HCRTR2: variants seen among roughly 807,000 people sequenced by gnomAD.
The protein encoded by HCRTR2 is hypocretin receptor 2.
In HCRTR2, 22 loss-of-function variants were observed where a neutral mutation model predicts 49.0. That is an observed-to-expected ratio of 0.45 (90% CI 0.32 to 0.64). HCRTR2 has a LOEUF of 0.64. Among genes scored for constraint, HCRTR2 ranks in the 30% least tolerant of loss-of-function variants. The pLI, the probability that HCRTR2 is intolerant of heterozygous loss-of-function variation, is 0.04. For missense variants in HCRTR2, 491 were observed against 559.4 expected (o/e 0.88, Z 1.23); for synonymous variants, 236 against 205.3 (o/e 1.15, Z -1.28).
intron 1 of HCRTR2, among the ~76,000 whole-genome samples, chr6:55,191,774 A>AT (rs572538880): frequency 0.22 from 32,808 of 151,204 alleles, 3,695 homozygotes; most frequent in Admixed American, 0.29. Flanking sequence ...TTAGAAATGC[A>AT]TTTTTTTTTC....
chr6:55,181,209 T>C (rs988064364), intron 1 of HCRTR2, among the ~76,000 whole-genome samples: 1 of 152,138 alleles, frequency 6.6e-6, no homozygotes, highest in Non-Finnish European at 1.5e-5. Context: ...GAAATGACCT[T>C]TAGATACTGA....
chr6:55,238,611 AATTGAAAGATAGAAC>A (rs1179455043), intron 1 of HCRTR2, among the ~76,000 whole-genome samples: 2 of 152,146 alleles, frequency 1.3e-5, no homozygotes, highest in African/African-American at 4.8e-5. Flanking sequence ...CTTTGAGTTT[AATTGAAAGATAGAAC>A]ATCTATAAGA....
chr6:55,143,762 C>A (rs6901139), intron 1 of HCRTR2, among the ~76,000 whole-genome samples: 36,853 of 152,008 alleles, frequency 0.24, 4,859 homozygotes, highest in African/African-American at 0.32. Flanking sequence ...AGGCATACTG[C>A]GGGGTTAGCA....
chr6:55,252,212 A>G (rs1326684341), intron 2 of HCRTR2, among the ~76,000 whole-genome samples: 1 of 152,114 alleles, frequency 6.6e-6, no homozygotes, highest in Non-Finnish European at 1.5e-5. Flanking sequence ...TCACACTAGC[A>G]TATTCCTCCC....
intron 1 of HCRTR2, among the ~76,000 whole-genome samples, chr6:55,161,517 C>A (rs1037416423): frequency 1.3e-5 from 2 of 151,984 alleles, no homozygotes; most frequent in East Asian, 1.9e-4. Flanking sequence ...ACACGAAAAA[C>A]CCTTCATAAA....
At chr6:55,157,905 G>T (rs553194701) in intron 1 of HCRTR2, among the ~76,000 whole-genome samples, 1 of 152,182 alleles carries the variant, frequency 6.6e-6, no homozygotes, top group South Asian at 2.1e-4. Flanking sequence ...TTCCAAGAAA[G>T]ATAGGCACAA....
At chr6:55,195,384 A>T (rs886509094) in intron 1 of HCRTR2, among the ~76,000 whole-genome samples, 5 of 152,202 alleles carry the variant, frequency 3.3e-5, no homozygotes, top group African/African-American at 1.2e-4. Context: ...AGATAAAACT[A>T]AAAATAGCTT....
chr6:55,247,825 G>A (rs984294614), intron 1 of HCRTR2, among the ~76,000 whole-genome samples: 3 of 152,070 alleles, frequency 2.0e-5, no homozygotes, highest in African/African-American at 4.8e-5. Flanking sequence ...GCTGGGTGAT[G>A]TTTAGAGGCC....
intron 4 of HCRTR2, among the ~76,000 whole-genome samples, chr6:55,269,712 CTT>C (rs1766934716): frequency 1.3e-5 from 2 of 152,094 alleles, no homozygotes; most frequent in Non-Finnish European, 2.9e-5. Context: ...AATCTCAACA[CTT>C]TTGGGAGACT....
At chr6:55,248,509 C>A in intron 1 of HCRTR2, 130 bp from the exon 2 acceptor site, 1 of 764,338 alleles carries the variant, frequency 1.3e-6, no homozygotes, top group South Asian at 1.5e-5. Context: ...TCAGTGAAAA[C>A]ACGGCACAGC....
chr6:55,142,951 T>C (rs1420506727), intron 1 of HCRTR2, among the ~76,000 whole-genome samples: 12 of 147,444 alleles, frequency 8.1e-5, no homozygotes, highest in African/African-American at 2.7e-4. Flanking sequence ...TACAAATAAA[T>C]AGATGGATAG....
At chr6:55,222,535 G>A (rs1765918831) in intron 1 of HCRTR2, among the ~76,000 whole-genome samples, 2 of 152,110 alleles carry the variant, frequency 1.3e-5, no homozygotes, top group South Asian at 4.1e-4. Context: ...GGAAACAAAT[G>A]AAATATATAA....
intron 1 of HCRTR2, among the ~76,000 whole-genome samples, chr6:55,181,791 A>T (rs1765138287): frequency 1.3e-5 from 2 of 152,242 alleles, no homozygotes; most frequent in Admixed American, 1.3e-4. Context: ...ATTATCTTTT[A>T]CTGGTCTTCA....
Position 55,200,235 on chromosome 6 carries a change from T to TTGTGTGTGTG in HCRTR2, c.223+25459_223+25468dup, listed in dbSNP as rs34710192. On this transcript the variant is annotated intron_variant, in intron 1 of 6. Transcript: ENST00000370862. The stretch of plus-strand genomic sequence containing the variant: ...TATGTTTTTGTACTTGTTTGCTGTC[T>TTGTGTGTGTG]TGTGTGTGTGTGTGTGTGTGTGTGT... Among the ~76,000 whole-genome samples, 565 of 135,350 alleles carry TTGTGTGTGTG rather than the reference T, an allele frequency of 4.2e-3. 1 individual carries two copies. Among genetic ancestry groups the TTGTGTGTGTG allele is most frequent in the South Asian group, 4.9e-3 (19 of 3,848 alleles). The allele number at this position is 135,350 out of a possible 152,430, so 88.8% of individuals were successfully genotyped here.
intron 1 of HCRTR2, among the ~76,000 whole-genome samples, chr6:55,246,715 G>A (rs1197223646): frequency 1.3e-5 from 2 of 151,894 alleles, no homozygotes; most frequent in East Asian, 3.9e-4. Context: ...TTCTTAGGTA[G>A]GCCCCTTAAC....
intron 1 of HCRTR2, among the ~76,000 whole-genome samples, chr6:55,155,603 C>G (rs542015228): frequency 6.6e-6 from 1 of 152,072 alleles, no homozygotes; most frequent in East Asian, 1.9e-4. Flanking sequence ...AAACACTTCT[C>G]TGAATTCCCA....
At chr6:55,249,758 G>T (rs1200018023) in intron 2 of HCRTR2, among the ~76,000 whole-genome samples, 1 of 151,998 alleles carries the variant, frequency 6.6e-6, no homozygotes, top group African/African-American at 2.4e-5. Context: ...TGAAACAAAA[G>T]ATTCATCAGA....
chr6:55,191,744 G>A (rs984613306), intron 1 of HCRTR2, among the ~76,000 whole-genome samples: 1 of 151,722 alleles, frequency 6.6e-6, no homozygotes, highest in Admixed American at 6.6e-5. Flanking sequence ...CTCTTCCAAG[G>A]ACTGGTCTAC....
chr6:55,200,729 T>C (rs1765498682), intron 1 of HCRTR2, among the ~76,000 whole-genome samples: 1 of 152,246 alleles, frequency 6.6e-6, no homozygotes, highest in Non-Finnish European at 1.5e-5. Context: ...ATTTTGATGC[T>C]TCTTGTCTGC....
Sources: allele counts gnomAD v4.1 joint callset (sites outside exome capture counted in the v4.1 genomes callset), GRCh38; gene constraint gnomAD v4.1.1; transcripts MANE v1.5; gene names NCBI Gene and HGNC (gene_info 2026-07-23, HGNC 2026-07-21).